VAPB: variants seen among roughly 807,000 people sequenced by gnomAD.
VAPB encodes vesicle-associated membrane protein-associated protein B/C.
Under a neutral mutation model 25.6 loss-of-function variants are expected in VAPB, and 7 were observed. The ratio of observed to expected loss-of-function variants is 0.27; its 90% CI spans 0.16 to 0.51. VAPB has a LOEUF of 0.51. Ranked by LOEUF, VAPB falls within the 20% of genes least tolerant of loss-of-function variation. VAPB has a pLI of 0.97. For synonymous variants in VAPB, 112 were observed against 109.2 expected, an observed-to-expected ratio of 1.03 and a Z score of -0.16; for missense variants, 266 against 301.3, an observed-to-expected ratio of 0.88 and a Z score of 0.87.
intron 5 of VAPB, among the ~76,000 whole-genome samples, chr20:58,441,815 A>G (rs771322707): frequency 2.6e-5 from 4 of 152,234 alleles, no homozygotes; most frequent in African/African-American, 4.8e-5. Flanking sequence ...ATGCAAGTAT[A>G]GTTCTGATTT....
intron 1 of VAPB, among the ~76,000 whole-genome samples, chr20:58,393,741 G>T (rs1389880685): frequency 7.5e-6 from 1 of 132,874 alleles, no homozygotes; most frequent in Non-Finnish European, 1.6e-5. Flanking sequence ...GTTTTGTTTT[G>T]TTTTTTTTGA....
rs757786343 is a variant in VAPB, at chr20:58,444,104, A to G, written c.601A>G (p.Thr201Ala). The change falls in exon 6 of 6, where the codon ACA (threonine) becomes GCA (alanine). Residue 201 changes from threonine to alanine, a missense_variant. Around this residue, in one of 3 missense-constraint regions of VAPB, gnomAD observed 136 missense variants for 130.7 expected, o/e 1.04. Transcript: ENST00000475243. ...AGAAGATGGACTGCGGATGAGGAAGACAGTGCAGAGCAACAGCCCCATTTC... is the reference window on the plus strand; with the variant it reads ...AGAAGATGGACTGCGGATGAGGAAGGCAGTGCAGAGCAACAGCCCCATTTC... ...KEEDGLRMRK[T>A]VQSNSPISAL... The G allele has an allele frequency of 1.2e-6, 2 of 1,614,104 alleles. No homozygotes were observed. Among genetic ancestry groups the G allele is most frequent in the African/African-American group, 1.3e-5 (1 of 74,928 alleles).
chr20:58,389,445 C>T lies in VAPB; in HGVS notation c.-15C>T, dbSNP rs756912027. 6.3e-7 allele frequency: 1 copy of T among 1,588,736 alleles called. No homozygotes were observed. The highest frequency in any genetic ancestry group is 1.2e-5 in the South Asian group (1 of 86,944). ...CAGGGGTCTCCCCGCCAAAGGTGCT[C>T]CGCCGCTAAGGAACATGGCGAAGGT... On this transcript the variant is annotated 5_prime_UTR_variant, in exon 1 of 6. Transcript: ENST00000475243.
chr20:58,440,926 A>G lies in VAPB; in HGVS notation c.416A>G (p.Lys139Arg). Residue 139 changes from lysine (K) to arginine (R), a missense_variant, in exon 5 of 6, where the codon AAA becomes AGA. Lys to Arg is a conservative substitution (Grantham distance 26, BLOSUM62 2). This residue lies in a region of VAPB where 136 missense variants were observed against 130.7 expected (regional missense o/e 1.04). Coordinates refer to ENST00000475243, the MANE Select transcript of VAPB (RefSeq NM_004738.5). The part of the protein sequence containing the change: ...NDKPHDVEIN[K>R]IISTTASKTE... ...GAACAGCATGATGTAGAAATAAATA[A>G]AATTATATCCACAACTGCATCAAAG... The G allele has an allele frequency of 6.2e-7, 1 of 1,613,832 alleles. No individual in the cohort carries two copies. Among genetic ancestry groups the G allele is most frequent in the African/African-American group, 1.3e-5 (1 of 75,046 alleles).
rs1989290878 is a variant in VAPB, at chr20:58,446,279, CT to C, written c.*2047del. ...AAGGCATGTGCCTTCTGCCACCTGA[CT>C]TTCCGTGAGGGGACTAAAATTTACT... On this transcript the variant is annotated 3_prime_UTR_variant, in exon 6 of 6. Coordinates refer to ENST00000475243, the MANE Select transcript of VAPB (RefSeq NM_004738.5). 1 of 453,952 alleles carries C rather than the reference CT, an allele frequency of 2.2e-6. No homozygotes were observed. Among genetic ancestry groups the C allele is most frequent in the Non-Finnish European group, 4.4e-6 (1 of 226,794 alleles). The allele number at this position is 453,952 out of a possible 1,614,324, so 28.1% of individuals were successfully genotyped here.
At chr20:58,403,027 A>C (rs1555811291) in intron 1 of VAPB, among the ~76,000 whole-genome samples, 1 of 151,832 alleles carries the variant, frequency 6.6e-6, no homozygotes, top group Non-Finnish European at 1.5e-5. Flanking sequence ...AAAGCTGAGA[A>C]AGGAGAGAGG....
Position 58,444,400 on chromosome 20 carries a change from C to A in VAPB, c.*165C>A, listed in dbSNP as rs1271100912. 8 of 925,148 alleles carry A rather than the reference C, an allele frequency of 8.6e-6. No individual in the cohort carries two copies. The highest frequency in any genetic ancestry group is 1.9e-5 in the Admixed American group (1 of 52,184). 57.3% of individuals were successfully genotyped at this position (925,148 alleles called of 1,614,324 possible). A position where few individuals can be genotyped will look rare whatever the true frequency, so the allele number is the denominator to read the frequency against. ...ACACACATACACAGATACACACACA[C>A]AAATATAATGTAACGATCTTTTAGA... On this transcript the variant is annotated 3_prime_UTR_variant, in exon 6 of 6. Coordinates refer to ENST00000475243, the MANE Select transcript of VAPB (RefSeq NM_004738.5).
In VAPB at chr20:58,446,362, A is replaced by G; in HGVS notation, c.*2127A>G. 1 of 454,044 alleles carries G rather than the reference A, an allele frequency of 2.2e-6. No individual in the cohort carries two copies. Among genetic ancestry groups the G allele is most frequent in the Non-Finnish European group, 4.4e-6 (1 of 226,778 alleles). The allele number at this position is 454,044 out of a possible 1,614,324, so 28.1% of individuals were successfully genotyped here. ...TAGCTTCCAGGCCCTCATGTCTTTG[A>G]TAGGAGAGTGCTTAGGTGGTCCCCA... On this transcript the variant is annotated 3_prime_UTR_variant, in exon 6 of 6. Transcript: ENST00000475243.
Position 58,391,490 on chromosome 20 carries a change from A to G in VAPB, c.58+1973A>G, listed in dbSNP as rs376102136. On this transcript the variant is annotated intron_variant, in intron 1 of 5. Transcript: ENST00000475243. Reference sequence around the variant, plus strand: ...CAGACAGAGGAAATTGCATGCACAGAGGCACAAACACTGAGATGACTGGGC... The same window carrying G: ...CAGACAGAGGAAATTGCATGCACAGGGGCACAAACACTGAGATGACTGGGC... 2.0e-5 allele frequency among the ~76,000 whole-genome samples: 3 copies of G among 152,016 alleles called. No individual in the cohort carries two copies. The East Asian group carries it at 5.8e-4, about 29-fold the overall frequency.
At chr20:58,411,787 C>T (rs1988387027) in intron 1 of VAPB, among the ~76,000 whole-genome samples, 1 of 152,018 alleles carries the variant, frequency 6.6e-6, no homozygotes. Flanking sequence ...CAGGCCATTC[C>T]CCTGCCTCAG....
chr20:58,416,776 A>G (rs1988549708), intron 1 of VAPB, among the ~76,000 whole-genome samples: 1 of 145,724 alleles, frequency 6.9e-6, no homozygotes, highest in Non-Finnish European at 1.5e-5. Context: ...TTTTTTTTCC[A>G]TGCCCGGAGC....
At chr20:58,398,658 A>G (rs1037725262) in intron 1 of VAPB, among the ~76,000 whole-genome samples, 3 of 152,194 alleles carry the variant, frequency 2.0e-5, no homozygotes, top group Non-Finnish European at 4.4e-5. Context: ...CACAGGGAAG[A>G]TGGCATTTGA....
intron 3 of VAPB, among the ~76,000 whole-genome samples, 159 bp from the exon 4 acceptor site, chr20:58,438,786 G>A (rs1163311906): frequency 6.6e-6 from 1 of 152,208 alleles, no homozygotes; most frequent in African/African-American, 2.4e-5. Flanking sequence ...ATCTTGTCAT[G>A]TTACAAATAT....
rs6123798 is a variant in VAPB, at chr20:58,414,978, G to A, written c.59-3233G>A. On this transcript the variant is annotated intron_variant, in intron 1 of 5. Coordinates refer to ENST00000475243, the MANE Select transcript of VAPB (RefSeq NM_004738.5). Reference sequence around the variant, plus strand: ...GAGACTCCGCCTGCAATCCCGGCACGTCGGGAGGCCGAGGCCGGCGGATCA... The same window carrying A: ...GAGACTCCGCCTGCAATCCCGGCACATCGGGAGGCCGAGGCCGGCGGATCA... Among the ~76,000 whole-genome samples, 379 of 152,368 alleles carry A rather than the reference G, an allele frequency of 2.5e-3. 1 individual carries two copies. In the East Asian group the frequency reaches 0.06, roughly 24 times the overall value.
At chr20:58,395,966 A>G (rs1987949423) in intron 1 of VAPB, among the ~76,000 whole-genome samples, 1 of 152,222 alleles carries the variant, frequency 6.6e-6, no homozygotes, top group Admixed American at 6.5e-5. Context: ...ATATTTTTCA[A>G]ACTGTTAAAT....
At chr20:58,425,748 C>T (rs558078037) in intron 2 of VAPB, among the ~76,000 whole-genome samples, 1 of 152,306 alleles carries the variant, frequency 6.6e-6, no homozygotes, top group Non-Finnish European at 1.5e-5. Flanking sequence ...TTGGAGTGCT[C>T]ATTCTCACTG....
intron 3 of VAPB, among the ~76,000 whole-genome samples, chr20:58,437,962 C>T (rs1320827264): frequency 6.6e-6 from 1 of 152,142 alleles, no homozygotes; most frequent in East Asian, 1.9e-4. Flanking sequence ...ATATCATAAC[C>T]TTGCTGCTAT....
intron 2 of VAPB, among the ~76,000 whole-genome samples, chr20:58,419,017 A>T (rs1988611612): frequency 6.6e-6 from 1 of 152,194 alleles, no homozygotes; most frequent in Admixed American, 6.5e-5. Flanking sequence ...AATTAAGGAG[A>T]TGTCAGTGAT....
chr20:58,405,911 G>T (rs995022695), intron 1 of VAPB, among the ~76,000 whole-genome samples: 4 of 151,856 alleles, frequency 2.6e-5, no homozygotes, highest in Admixed American at 6.6e-5. Context: ...GTGCCACCAC[G>T]CCTAAGTAAT....
Sources: allele counts gnomAD v4.1 joint callset (sites outside exome capture counted in the v4.1 genomes callset), GRCh38; gene constraint gnomAD v4.1.1; regional missense constraint gnomAD v4.1.1; transcripts MANE v1.5; gene names NCBI Gene and HGNC (gene_info 2026-07-23, HGNC 2026-07-21).